GABRA5: variants seen among roughly 807,000 people sequenced by gnomAD.
GABRA5 encodes gamma-aminobutyric acid receptor subunit alpha-5.
Under a neutral mutation model 47.3 loss-of-function variants are expected in GABRA5, and 18 were observed. The observed-to-expected ratio is 0.38, with a 90% CI of 0.26 to 0.56. The LOEUF (loss-of-function observed/expected upper bound fraction) is 0.56. Ranked by LOEUF, GABRA5 falls within the 20% of genes least tolerant of loss-of-function variation. The pLI, the probability that GABRA5 is intolerant of heterozygous loss-of-function variation, is 0.71. For synonymous variants in GABRA5, 237 were observed against 229.3 expected, an observed-to-expected ratio of 1.03 and a Z score of -0.30; for missense variants, 365 against 599.3, an observed-to-expected ratio of 0.61 and a Z score of 4.08.
intron 9 of GABRA5, among the ~76,000 whole-genome samples, chr15:26,941,384 T>C (rs1461249542): frequency 1.3e-5 from 2 of 152,146 alleles, no homozygotes; most frequent in Admixed American, 1.3e-4. Context: ...AAGAGGCTTG[T>C]TTAAGATCAT....
intron 7 of GABRA5, among the ~76,000 whole-genome samples, chr15:26,922,315 A>T (rs1342148391): frequency 3.3e-5 from 5 of 152,102 alleles, no homozygotes; most frequent in Non-Finnish European, 5.9e-5. Context: ...TTCACTATTT[A>T]ATATTTCTCT....
At chr15:26,933,494 G>A (rs1229513586) in intron 7 of GABRA5, among the ~76,000 whole-genome samples, 1 of 152,204 alleles carries the variant, frequency 6.6e-6, no homozygotes, top group Non-Finnish European at 1.5e-5. Context: ...ACTGCTGTCT[G>A]CAGGGCAAAC....
chr15:26,891,815 G>A (rs1379517471), intron 6 of GABRA5, among the ~76,000 whole-genome samples: 1 of 152,216 alleles, frequency 6.6e-6, no homozygotes, highest in Admixed American at 6.5e-5. Flanking sequence ...CAGTGCTGCT[G>A]CAGGCATCCC....
intron 6 of GABRA5, among the ~76,000 whole-genome samples, chr15:26,913,263 C>G (rs961070628): frequency 6.6e-6 from 1 of 152,052 alleles, no homozygotes; most frequent in Non-Finnish European, 1.5e-5. Flanking sequence ...CACACACAAG[C>G]CTCTGTGAGT....
intron 7 of GABRA5, among the ~76,000 whole-genome samples, chr15:26,931,141 C>T (rs1279249342): frequency 1.3e-5 from 2 of 152,046 alleles, no homozygotes; most frequent in African/African-American, 4.8e-5. Context: ...TCAAGTGATC[C>T]ACCTGTCTCG....
chr15:26,871,162 C>G (rs1433242842), intron 3 of GABRA5, among the ~76,000 whole-genome samples: 1 of 152,160 alleles, frequency 6.6e-6, no homozygotes, highest in African/African-American at 2.4e-5. Flanking sequence ...CCACTGCACT[C>G]CAGCTTGGGC....
intron 3 of GABRA5, 31 bp from the exon 4 acceptor site, chr15:26,880,815 T>C (rs1358031907): frequency 6.2e-7 from 1 of 1,610,908 alleles, no homozygotes; most frequent in East Asian, 2.2e-5. Flanking sequence ...TAATATGTTT[T>C]AACGCTTCCT....
chr15:26,943,357 G>C lies in GABRA5; in HGVS notation c.1020G>C (p.Thr340=), dbSNP rs75690401. ...FVFSALIEFA[T]VNYFTKRGWA... is the part of the protein sequence containing the mutation. ...TCTCGGCGCTGATAGAGTTTGCCAC[G>C]GTCAATTACTTTACCAAGAGAGGCT... Residue 340 remains threonine (T), a synonymous_variant, in exon 10 of 11, where the codon ACG becomes ACC. Coordinates refer to ENST00000335625, the MANE Select transcript of GABRA5 (RefSeq NM_000810.4). 6.3e-7 allele frequency: 1 copy of C among 1,599,558 alleles called. No homozygotes were observed. Among genetic ancestry groups the C allele is most frequent in the African/African-American group, 1.3e-5 (1 of 74,712 alleles).
chr15:26,906,485 G>A (rs1893447337), intron 6 of GABRA5, among the ~76,000 whole-genome samples: 1 of 152,116 alleles, frequency 6.6e-6, no homozygotes, highest in African/African-American at 2.4e-5. Context: ...TTTTTAGTAT[G>A]TGTCCAGCCC....
chr15:26,894,130 T>C (rs1387725716), intron 6 of GABRA5, among the ~76,000 whole-genome samples: 2 of 152,074 alleles, frequency 1.3e-5, no homozygotes, highest in Non-Finnish European at 2.9e-5. Context: ...GCAGAAGCCC[T>C]GCCCAGACGG....
intron 7 of GABRA5, among the ~76,000 whole-genome samples, chr15:26,924,844 G>A (rs1043847867): frequency 1.3e-5 from 2 of 152,140 alleles, no homozygotes; most frequent in African/African-American, 4.8e-5. Context: ...GCCCGTTGGT[G>A]TTTCCAAGTT....
chr15:26,948,241 C>T lies in GABRA5; in HGVS notation c.*8C>T. On this transcript the variant is annotated 3_prime_UTR_variant, in exon 11 of 11. Transcript: ENST00000335625. The stretch of plus-strand genomic sequence containing the variant: ...GCCGCCTCTCCAAAATAACCGGCCA[C>T]ACTCCCAAACTCCAAGACAGCCATA... 2 of 1,608,152 alleles carry T rather than the reference C, an allele frequency of 1.2e-6. No individual in the cohort carries two copies. Among genetic ancestry groups the T allele is most frequent in the Non-Finnish European group, 1.7e-6 (2 of 1,177,940 alleles).
chr15:26,904,980 A>G (rs1328777363), intron 6 of GABRA5, among the ~76,000 whole-genome samples: 1 of 152,078 alleles, frequency 6.6e-6, no homozygotes, highest in African/African-American at 2.4e-5. Flanking sequence ...TCTAGCCAGG[A>G]CTTCCAGTAC....
At chr15:26,897,276 G>A (rs1893220127) in intron 6 of GABRA5, among the ~76,000 whole-genome samples, 2 of 152,208 alleles carry the variant, frequency 1.3e-5, no homozygotes, top group South Asian at 4.2e-4. Flanking sequence ...AGGTCATTAG[G>A]AAGGGCCCTC....
intron 7 of GABRA5, among the ~76,000 whole-genome samples, chr15:26,935,337 T>G (rs1894211195): frequency 6.6e-6 from 1 of 152,270 alleles, no homozygotes. Flanking sequence ...TATATGTCAC[T>G]CAGTGATTCT....
intron 9 of GABRA5, among the ~76,000 whole-genome samples, chr15:26,942,165 T>C (rs1407575108): frequency 6.6e-6 from 1 of 152,186 alleles, no homozygotes; most frequent in Non-Finnish European, 1.5e-5. Context: ...TAAACACTTT[T>C]AAATCTTCAG....
At chr15:26,927,972 A>G (rs1007325559) in intron 7 of GABRA5, among the ~76,000 whole-genome samples, 1 of 152,222 alleles carries the variant, frequency 6.6e-6, no homozygotes, top group Non-Finnish European at 1.5e-5. Context: ...CTCGGTCCAT[A>G]AGGAAATTCC....
In GABRA5 at chr15:26,880,838, T is replaced by G. The variant is rs1595395657; in HGVS notation, c.87-8T>G. Reference sequence around the variant, plus strand: ...TTTAACGCTTCCTCTTGTTTCTCTTTTTAAAAGCTTTTCACAGATGCCAAC... The same window carrying G: ...TTTAACGCTTCCTCTTGTTTCTCTTGTTAAAAGCTTTTCACAGATGCCAAC... On this transcript the variant is annotated splice_polypyrimidine_tract_variant and splice_region_variant and intron_variant, in intron 3 of 10. Transcript: ENST00000335625. 1.2e-6 allele frequency: 2 copies of G among 1,612,720 alleles called. No individual in the cohort carries two copies. Among genetic ancestry groups the G allele is most frequent in the Non-Finnish European group, 1.7e-6 (2 of 1,179,484 alleles).
chr15:26,882,375 A>G (rs1161022503), intron 4 of GABRA5, among the ~76,000 whole-genome samples: 1 of 152,154 alleles, frequency 6.6e-6, no homozygotes, highest in Non-Finnish European at 1.5e-5. Context: ...CGCCATGCAG[A>G]CGATCATCAC....
Sources: allele counts gnomAD v4.1 joint callset (sites outside exome capture counted in the v4.1 genomes callset), GRCh38; gene constraint gnomAD v4.1.1; transcripts MANE v1.5; gene names NCBI Gene and HGNC (gene_info 2026-07-23, HGNC 2026-07-21).